The following SPATA16 variants were observed in gnomAD, a reference collection of about 807,000 sequenced individuals.
SPATA16 encodes spermatogenesis-associated protein 16.
In SPATA16, 36 loss-of-function variants were observed where a neutral mutation model predicts 63.3. The observed-to-expected ratio is 0.57, with a 90% CI of 0.44 to 0.75. The LOEUF is 0.75. Among genes scored for constraint, SPATA16 ranks in the 30% least tolerant of loss-of-function variants. The probability of loss-of-function intolerance (pLI) is 0.00; values close to 1 mark genes in which losing one functional copy is unlikely to be tolerated. For synonymous variants in SPATA16, 203 were observed against 216.7 expected, an observed-to-expected ratio of 0.94 and a Z score of 0.56; for missense variants, 646 against 679.3, an observed-to-expected ratio of 0.95 and a Z score of 0.54.
At chr3:173,030,326 A>G (rs978178450) in intron 3 of SPATA16, among the ~76,000 whole-genome samples, 1 of 152,096 alleles carries the variant, frequency 6.6e-6, no homozygotes, top group African/African-American at 2.4e-5. Flanking sequence ...TGCAAATCTT[A>G]TATCTGTTAC....
chr3:173,131,525 G>A (rs1738385106), intron 1 of SPATA16, among the ~76,000 whole-genome samples: 1 of 152,126 alleles, frequency 6.6e-6, no homozygotes, highest in South Asian at 2.1e-4. Context: ...AAACCTGTAA[G>A]CTTTGGGTAA....
chr3:173,123,584 G>A (rs1202406158), intron 1 of SPATA16, among the ~76,000 whole-genome samples: 1 of 149,538 alleles, frequency 6.7e-6, no homozygotes, highest in Non-Finnish European at 1.5e-5. Context: ...AATCAAATTT[G>A]TTAAGAAAGG....
At chr3:173,110,785 C>A (rs977763978) in intron 2 of SPATA16, among the ~76,000 whole-genome samples, 7 of 152,174 alleles carry the variant, frequency 4.6e-5, no homozygotes, top group African/African-American at 1.7e-4. Context: ...TGGAGCCCTG[C>A]GGCCACTTAC....
chr3:173,001,258 C>T (rs1055457095), intron 4 of SPATA16, among the ~76,000 whole-genome samples: 5 of 106,244 alleles, frequency 4.7e-5, no homozygotes, highest in African/African-American at 2.4e-4. Flanking sequence ...TTGACCAATG[C>T]TTCTCAGTTG....
At chr3:172,917,045 C>G (rs1732509499) in intron 8 of SPATA16, among the ~76,000 whole-genome samples, 1 of 152,054 alleles carries the variant, frequency 6.6e-6, no homozygotes, top group Admixed American at 6.6e-5. Flanking sequence ...GACTAGCTTC[C>G]CTCTGTCTAC....
chr3:173,137,338 T>C (rs1417262951), intron 1 of SPATA16, among the ~76,000 whole-genome samples: 1 of 152,058 alleles, frequency 6.6e-6, no homozygotes, highest in Non-Finnish European at 1.5e-5. Context: ...GAATAAAAAA[T>C]ATTGCGAATT....
intron 3 of SPATA16, among the ~76,000 whole-genome samples, chr3:173,040,563 A>C (rs1013888140): frequency 6.6e-6 from 1 of 152,170 alleles, no homozygotes; most frequent in South Asian, 2.1e-4. Flanking sequence ...GTGGTAGCTG[A>C]ATCTGAGTTC....
At chr3:172,962,223 C>A (rs1164997426) in intron 5 of SPATA16, among the ~76,000 whole-genome samples, 7 of 131,346 alleles carry the variant, frequency 5.3e-5, no homozygotes, top group Non-Finnish European at 3.1e-5. Flanking sequence ...CACTGCACTC[C>A]AGCCTGGGCA....
intron 2 of SPATA16, among the ~76,000 whole-genome samples, chr3:173,083,170 A>G (rs1485545666): frequency 2.0e-5 from 3 of 152,076 alleles, no homozygotes; most frequent in African/African-American, 7.2e-5. Context: ...TAGCATAAAT[A>G]TAAACAAAAC....
chr3:173,134,654 G>A (rs1191920070), intron 1 of SPATA16, among the ~76,000 whole-genome samples: 1 of 152,082 alleles, frequency 6.6e-6, no homozygotes, highest in Admixed American at 6.6e-5. Flanking sequence ...GGACTTCCCA[G>A]CCTCCAGAAT....
chr3:172,999,191 TATTA>T (rs1734760016), intron 4 of SPATA16, among the ~76,000 whole-genome samples: 1 of 152,198 alleles, frequency 6.6e-6, no homozygotes, highest in South Asian at 2.1e-4. Flanking sequence ...TTAGGAAAGT[TATTA>T]ATTAATTATT....
chr3:172,964,267 GC>G (rs1342947698), intron 5 of SPATA16, among the ~76,000 whole-genome samples: 3 of 152,134 alleles, frequency 2.0e-5, no homozygotes, highest in African/African-American at 7.2e-5. Flanking sequence ...ATAATAACAT[GC>G]TTAGGTCAGT....
At chr3:172,928,404 T>C (rs1732789649) in intron 6 of SPATA16, among the ~76,000 whole-genome samples, 2 of 152,244 alleles carry the variant, frequency 1.3e-5, no homozygotes, top group Admixed American at 1.3e-4. Context: ...TTTGCTGAAA[T>C]ATTAGCAAGG....
intron 5 of SPATA16, among the ~76,000 whole-genome samples, chr3:172,962,391 A>C (rs1733811076): frequency 6.6e-6 from 1 of 152,090 alleles, no homozygotes. Context: ...TATGAGTGAG[A>C]AATCAAATTA....
chr3:173,114,098 T>G (rs1737822484), intron 2 of SPATA16, among the ~76,000 whole-genome samples: 1 of 149,472 alleles, frequency 6.7e-6, no homozygotes, highest in Non-Finnish European at 1.5e-5. Context: ...GAGAATCACT[T>G]GAACCTGGGA....
intron 6 of SPATA16, among the ~76,000 whole-genome samples, chr3:172,940,238 C>A (rs1384454949): frequency 6.6e-6 from 1 of 152,166 alleles, no homozygotes; most frequent in Non-Finnish European, 1.5e-5. Context: ...GTGAAAATTC[C>A]TGATTTGTAG....
chr3:173,022,780 A>G (rs1270141048), intron 3 of SPATA16, among the ~76,000 whole-genome samples: 2 of 152,096 alleles, frequency 1.3e-5, no homozygotes, highest in East Asian at 1.9e-4. Flanking sequence ...TCAGAGAGCA[A>G]TCTCAGAGCT....
intron 2 of SPATA16, among the ~76,000 whole-genome samples, chr3:173,091,780 A>T (rs1478683918): frequency 6.6e-6 from 1 of 152,204 alleles, no homozygotes; most frequent in East Asian, 1.9e-4. Flanking sequence ...ATTTTGAAGG[A>T]ACTAGCCCCT....
At chr3:172,961,138 T>G (rs1733774658) in intron 5 of SPATA16, among the ~76,000 whole-genome samples, 1 of 136,384 alleles carries the variant, frequency 7.3e-6, no homozygotes, top group Non-Finnish European at 1.6e-5. Flanking sequence ...TTCTCTTTCT[T>G]GTGGAGGAGT....
Sources: gnomAD v4.1 joint callset for allele counts (sites outside exome capture counted in the v4.1 genomes callset) on GRCh38, gnomAD v4.1.1 for gene constraint, MANE v1.5 for transcripts, NCBI Gene and HGNC (gene_info 2026-07-23, HGNC 2026-07-21) for gene names.